Variants in GLYATL2 observed in about 807,000 individuals in gnomAD.
GLYATL2 encodes glycine N-acyltransferase-like protein 2.
GLYATL2 carries 25 observed loss-of-function variants against 21.4 expected under a neutral mutation model. The observed-to-expected ratio is 1.17, with a 90% CI of 0.85 to 1.63. The LOEUF (loss-of-function observed/expected upper bound fraction) is 1.63. Among genes scored for constraint, GLYATL2 ranks in the 40% most tolerant of loss-of-function variants. The pLI, the probability that GLYATL2 is intolerant of heterozygous loss-of-function variation, is 0.00. For missense variants in GLYATL2, 361 were observed against 343.3 expected (o/e 1.05, Z -0.41); for synonymous variants, 114 against 118.2 (o/e 0.96, Z 0.23).
intron 1 of GLYATL2, 37 bp from the exon 2 acceptor site, chr11:58,839,689 A>T: frequency 1.0e-6 from 1 of 959,036 alleles, no homozygotes; most frequent in Non-Finnish European, 1.6e-6. Context: ...ATACCTAGAG[A>T]GATATGATAG....
At position 58,834,403 on chromosome 11, in the gene GLYATL2, A is replaced by C. The variant is rs766775865; in HGVS notation, c.*26T>G. The C allele has an allele frequency of 6.5e-7, 1 of 1,529,374 alleles. No homozygotes were observed. The highest frequency in any genetic ancestry group is 8.8e-7 in the Non-Finnish European group (1 of 1,139,192). 94.7% of individuals were successfully genotyped at this position (1,529,374 alleles called of 1,614,324 possible). A position where few individuals can be genotyped will look rare whatever the true frequency, so the allele number is the denominator to read the frequency against. ...ATTAATGTTTTTTTACTGATAAGAA[A>C]GATTTGAAATGGACAGTGGAATCAA... On this transcript the variant is annotated 3_prime_UTR_variant, in exon 6 of 6. Transcript: ENST00000287275.
In GLYATL2 at chr11:58,839,653, C is replaced by T. The variant is rs1853509451; in HGVS notation, c.-40-1G>A. 2 of 1,474,014 alleles carry T rather than the reference C, an allele frequency of 1.4e-6. No homozygotes were observed. Among genetic ancestry groups the T allele is most frequent in the Non-Finnish European group, 1.9e-6 (2 of 1,066,702 alleles). 91.3% of individuals were successfully genotyped at this position (1,474,014 alleles called of 1,614,324 possible). ...AGCTTCTTTCCCTCAAGAAGATGAT[C>T]TAAGGAAATAAACACAAAAACAAAA... On this transcript the variant is annotated splice_acceptor_variant, in intron 1 of 5. Coordinates refer to ENST00000287275, the MANE Select transcript of GLYATL2 (RefSeq NM_145016.4). LOFTEE classifies it low-confidence loss of function (5UTR_SPLICE).
upstream of GLYATL2, chr11:58,905,285 C>G: frequency 2.7e-6 from 1 of 375,368 alleles, no homozygotes; most frequent in East Asian, 7.3e-5. Flanking sequence ...CCCTCTAGAC[C>G]TCACGCAGAC....
intron 5 of GLYATL2, among the ~76,000 whole-genome samples, chr11:58,835,382 T>C (rs546716181): frequency 6.6e-6 from 1 of 152,348 alleles, no homozygotes; most frequent in South Asian, 2.1e-4. Flanking sequence ...AGCTGCAATA[T>C]AAGAAAAAGA....
chr11:58,874,569 G>T (rs1565101191), intron 1 of GLYATL2, among the ~76,000 whole-genome samples: 1 of 152,298 alleles, frequency 6.6e-6, no homozygotes, highest in Non-Finnish European at 1.5e-5. Context: ...TCAGGAGCAG[G>T]TTGTTCAGTT....
At chr11:58,869,384 A>G (rs1854076716) in intron 1 of GLYATL2, among the ~76,000 whole-genome samples, 1 of 152,218 alleles carries the variant, frequency 6.6e-6, no homozygotes, top group African/African-American at 2.4e-5. Flanking sequence ...CTGTTTGACA[A>G]CAGTGTTCTT....
At chr11:58,861,715 A>G (rs1484424470) in intron 1 of GLYATL2, among the ~76,000 whole-genome samples, 2 of 151,586 alleles carry the variant, frequency 1.3e-5, no homozygotes, top group Non-Finnish European at 2.9e-5. Context: ...AAGTTTTGGT[A>G]TGTTGAGTTT....
At chr11:58,857,404 G>A (rs988747553) in intron 1 of GLYATL2, among the ~76,000 whole-genome samples, 3 of 152,188 alleles carry the variant, frequency 2.0e-5, no homozygotes, top group Non-Finnish European at 4.4e-5. Flanking sequence ...GCTTCCCTGG[G>A]TGATTCTGGG....
rs556485079 is a variant in GLYATL2 at position 58,878,427 on chromosome 11, A to G, written n.60+25729T>C. ...TGGATCTTCACACATTTGTGTTTTG[A>G]GCTCTCTGAATTTCCTTGAGCAAAT... On this transcript the variant is annotated intron_variant and non_coding_transcript_variant, in intron 1 of 4. Transcript: ENST00000533636. 9 of 444,568 alleles carry G rather than the reference A, an allele frequency of 2.0e-5. No homozygotes were observed. The South Asian group carries it at 5.8e-4, about 29-fold the overall frequency. The allele number at this position is 444,568 out of a possible 1,614,324, so 27.5% of individuals were successfully genotyped here. A position where few individuals can be genotyped will look rare whatever the true frequency, so the allele number is the denominator to read the frequency against.
rs113027462 is a variant in GLYATL2, at chr11:58,876,575, G to T, written n.60+27581C>A. 2.3e-3 allele frequency among the ~76,000 whole-genome samples: 352 copies of T among 152,304 alleles called. 3 individuals carry two copies. Among genetic ancestry groups the T allele is most frequent in the African/African-American group, 7.1e-3 (296 of 41,562 alleles). On this transcript the variant is annotated intron_variant and non_coding_transcript_variant, in intron 1 of 4. Coordinates refer to the GLYATL2 transcript ENST00000533636. ...TCTACTCCAGACCCTGTTTGCCTAG[G>T]TATCAGCAGTGGTGGCTGCAGAACA...
intron 1 of GLYATL2, among the ~76,000 whole-genome samples, chr11:58,871,758 C>T (rs1021020966): frequency 2.6e-5 from 4 of 152,080 alleles, no homozygotes; most frequent in African/African-American, 7.2e-5. Flanking sequence ...GTGCATGTGT[C>T]TTTATAGCAG....
chr11:58,884,718 TCTGA>T (rs1854405275), intron 1 of GLYATL2, among the ~76,000 whole-genome samples: 1 of 152,212 alleles, frequency 6.6e-6, no homozygotes, highest in South Asian at 2.1e-4. Context: ...GGTTTCAAAA[TCTGA>T]CTGACATTTA....
chr11:58,849,119 A>C (rs1372383259), upstream of GLYATL2, among the ~76,000 whole-genome samples: 2 of 152,220 alleles, frequency 1.3e-5, no homozygotes, highest in African/African-American at 4.8e-5. Flanking sequence ...TGAAGGAAGA[A>C]TACTTTCCCA....
chr11:58,906,615 A>C (rs532571326), upstream of GLYATL2, among the ~76,000 whole-genome samples: 44 of 152,296 alleles, frequency 2.9e-4, 1 homozygote, highest in African/African-American at 9.1e-4. Flanking sequence ...ACAGCACTAC[A>C]TGTGCCTAGC....
chr11:58,872,915 T>G (rs1854152501), intron 1 of GLYATL2, among the ~76,000 whole-genome samples: 2 of 152,318 alleles, frequency 1.3e-5, no homozygotes, highest in Non-Finnish European at 2.9e-5. Context: ...CCCTACCCAT[T>G]AGCATGGAAT....
At chr11:58,846,235 T>C (rs1322124536), upstream of GLYATL2, among the ~76,000 whole-genome samples, 1 of 151,954 alleles carries the variant, frequency 6.6e-6, no homozygotes, top group African/African-American at 2.4e-5. Context: ...CCATTAAATT[T>C]TTTTTATATA....
intron 1 of GLYATL2, among the ~76,000 whole-genome samples, chr11:58,860,150 G>A (rs1305601193): frequency 4.6e-5 from 7 of 152,048 alleles, no homozygotes; most frequent in Admixed American, 1.3e-4. Context: ...TTCCTTTGAA[G>A]AATGTCATTG....
At chr11:58,897,000 G>A (rs11229685) in intron 1 of GLYATL2, among the ~76,000 whole-genome samples, 7,971 of 152,100 alleles carry the variant, frequency 0.052, 305 homozygotes, top group East Asian at 0.14. Flanking sequence ...AGATGAACCC[G>A]GGCCAGTTTT....
chr11:58,903,455 C>T (rs1400164486), intron 1 of GLYATL2, among the ~76,000 whole-genome samples: 2 of 152,062 alleles, frequency 1.3e-5, no homozygotes, highest in Non-Finnish European at 2.9e-5. Flanking sequence ...AGCAGAGCAC[C>T]TGAGGTCAGG....
Sources: gnomAD v4.1 joint callset for allele counts (sites outside exome capture counted in the v4.1 genomes callset) on GRCh38, gnomAD v4.1.1 for gene constraint, MANE v1.5 for transcripts, NCBI Gene and HGNC (gene_info 2026-07-23, HGNC 2026-07-21) for gene names.